The following IFT81 variants were observed in gnomAD, a reference collection of about 807,000 sequenced individuals.
The protein encoded by IFT81 is intraflagellar transport protein 81 homolog.
IFT81 carries 72 observed loss-of-function variants against 102.6 expected under a neutral mutation model. The observed-to-expected ratio is 0.70, with a 90% CI of 0.58 to 0.85. The LOEUF (loss-of-function observed/expected upper bound fraction) is 0.85, where lower values mean the gene tolerates loss of function less well. Among genes scored for constraint, IFT81 ranks in the 40% least tolerant of loss-of-function variants. The pLI is 0.00. For synonymous variants in IFT81, 237 were observed against 242.7 expected (o/e 0.98, Z 0.22); for missense variants, 723 against 787.3 (o/e 0.92, Z 0.98).
In IFT81 at chr12:110,180,543, A is replaced by G; in HGVS notation, c.1310A>G (p.Gln437Arg). The part of the protein sequence containing the change: ...LLQRTEELLK[Q>R]RHENIQQQLQ... ...CAGAGGACTGAAGAACTTCTTAAGC[A>G]ACGTCATGAAAATATTCAACAACAA... Residue 437 changes from glutamine (Q) to arginine (R), a missense_variant, in exon 12 of 19, where the codon CAA becomes CGA. Coordinates refer to ENST00000242591, the MANE Select transcript of IFT81 (RefSeq NM_014055.4). 1 of 1,606,028 alleles carries G rather than the reference A, an allele frequency of 6.2e-7. No homozygotes were observed. The highest frequency in any genetic ancestry group is 1.1e-5 in the South Asian group (1 of 90,150).
chr12:110,211,707 A>C (rs546799316), intron 18 of IFT81, among the ~76,000 whole-genome samples: 1 of 151,690 alleles, frequency 6.6e-6, no homozygotes, highest in South Asian at 2.1e-4. Context: ...GGGTTTCGCC[A>C]TGTTGCCCAG....
At chr12:110,140,928 T>A (rs1193592191) in intron 8 of IFT81, among the ~76,000 whole-genome samples, 4 of 151,852 alleles carry the variant, frequency 2.6e-5, no homozygotes, top group Non-Finnish European at 4.4e-5. Context: ...GGTTTCTCCA[T>A]GTTGGTCAAG....
chr12:110,194,008 G>A (rs1270380646), intron 14 of IFT81, among the ~76,000 whole-genome samples: 1 of 152,174 alleles, frequency 6.6e-6, no homozygotes, highest in Non-Finnish European at 1.5e-5. Flanking sequence ...AAGGCAAAGA[G>A]AGAGCAGGCA....
At chr12:110,216,928 T>C (rs1870215987) in intron 18 of IFT81, 1 of 199,756 alleles carries the variant, frequency 5.0e-6, no homozygotes. Context: ...TTTATGTAAA[T>C]GGAAATTCTA....
At chr12:110,156,224 G>GTATAGTCTC (rs570137611) in intron 10 of IFT81, among the ~76,000 whole-genome samples, 100 of 152,266 alleles carry the variant, frequency 6.6e-4, no homozygotes, top group African/African-American at 2.3e-3. Flanking sequence ...TGTTTTAAAT[G>GTATAGTCTC]TATAGTCTCT....
At chr12:110,145,583 C>T (rs1344191123) in intron 9 of IFT81, among the ~76,000 whole-genome samples, 1 of 150,768 alleles carries the variant, frequency 6.6e-6, no homozygotes, top group Admixed American at 6.6e-5. Context: ...ATTACAGGCA[C>T]CTGCCACCAT....
At chr12:110,208,612 A>T (rs985596485) in intron 17 of IFT81, among the ~76,000 whole-genome samples, 10 of 152,158 alleles carry the variant, frequency 6.6e-5, no homozygotes. Context: ...ATAACTCCTT[A>T]TTATTTGTTT....
chr12:110,132,348 T>C (rs1593277701), intron 4 of IFT81, among the ~76,000 whole-genome samples, 199 bp from the exon 5 acceptor site: 1 of 151,560 alleles, frequency 6.6e-6, no homozygotes, highest in East Asian at 1.9e-4. Context: ...TAATCCCAGG[T>C]ACTCAGGAGG....
chr12:110,192,828 T>G, intron 14 of IFT81, 122 bp downstream of exon 14: 1 of 567,412 alleles, frequency 1.8e-6, no homozygotes, highest in East Asian at 3.2e-5. Context: ...CAAATTATCA[T>G]TATTACGTTA....
At chr12:110,188,327 G>A (rs543217516) in intron 12 of IFT81, among the ~76,000 whole-genome samples, 13 of 148,226 alleles carry the variant, frequency 8.8e-5, no homozygotes, top group East Asian at 8.0e-4. Flanking sequence ...GCAAGACTCC[G>A]TCTCAAAAAA....
At chr12:110,135,047 C>T (rs1182003134) in intron 6 of IFT81, 34 bp downstream of exon 6, 4 of 1,472,116 alleles carry the variant, frequency 2.7e-6, no homozygotes, top group Non-Finnish European at 3.7e-6. Context: ...GACTTTGGCC[C>T]CAAGTCCCAA....
At chr12:110,167,317 T>C (rs1401494786) in intron 11 of IFT81, among the ~76,000 whole-genome samples, 7 of 152,218 alleles carry the variant, frequency 4.6e-5, no homozygotes, top group Admixed American at 3.9e-4. Flanking sequence ...TATTTTTCTC[T>C]TATCTGCCAG....
intron 5 of IFT81, 81 bp downstream of exon 5, chr12:110,132,717 T>A (rs1332848279): frequency 2.8e-6 from 2 of 707,426 alleles, no homozygotes; most frequent in Non-Finnish European, 4.9e-6. Flanking sequence ...TCAGTATGAG[T>A]CTTAAGACTA....
intron 13 of IFT81, among the ~76,000 whole-genome samples, chr12:110,192,170 CAAA>C (rs779420962): frequency 4.2e-5 from 5 of 117,864 alleles, no homozygotes; most frequent in Non-Finnish European, 3.6e-5. Flanking sequence ...GACTCTGTCT[CAAA>C]AAAAAAAAAA....
At chr12:110,127,922 A>G (rs1042143184) in intron 2 of IFT81, 124 bp from the exon 3 acceptor site, 1 of 664,788 alleles carries the variant, frequency 1.5e-6, no homozygotes, top group African/African-American at 1.8e-5. Context: ...CTCCATCCTT[A>G]ATCTGTTTTA....
At chr12:110,199,858 G>C (rs1452398855) in intron 14 of IFT81, among the ~76,000 whole-genome samples, 1 of 152,180 alleles carries the variant, frequency 6.6e-6, no homozygotes, top group Non-Finnish European at 1.5e-5. Context: ...ATGAAACCAA[G>C]GTCATTCTCG....
intron 18 of IFT81, among the ~76,000 whole-genome samples, chr12:110,214,129 C>T (rs1223969466): frequency 1.3e-5 from 2 of 152,024 alleles, no homozygotes; most frequent in South Asian, 4.1e-4. Flanking sequence ...TATGGGATGA[C>T]ACACCATACT....
chr12:110,179,773 T>TATATACACACACACAC (rs774113734), intron 11 of IFT81, among the ~76,000 whole-genome samples: 1 of 50,476 alleles, frequency 2.0e-5, no homozygotes, highest in Non-Finnish European at 4.1e-5. Flanking sequence ...TATATATATA[T>TATATACACACACACAC]ACACACACAC....
intron 5 of IFT81, 93 bp downstream of exon 5, chr12:110,132,729 A>G (rs1894245140): frequency 1.6e-6 from 1 of 621,730 alleles, no homozygotes; most frequent in East Asian, 3.3e-5. Context: ...TTAAGACTAT[A>G]TGGAGACTAG....
Sources: gnomAD v4.1 joint callset for allele counts (sites outside exome capture counted in the v4.1 genomes callset) on GRCh38, gnomAD v4.1.1 for gene constraint, MANE v1.5 for transcripts, NCBI Gene and HGNC (gene_info 2026-07-23, HGNC 2026-07-21) for gene names.